EPB41L4A: variants seen among roughly 807,000 people sequenced by gnomAD.
The protein encoded by EPB41L4A is band 4.1-like protein 4A.
In EPB41L4A, 100 loss-of-function variants were observed where a neutral mutation model predicts 108.6. That is an observed-to-expected ratio of 0.92 (90% CI 0.78 to 1.09). The LOEUF (loss-of-function observed/expected upper bound fraction) is 1.09, where lower values mean the gene tolerates loss of function less well. EPB41L4A is among the 50% of genes least tolerant of loss of function. The pLI is 0.00. For synonymous variants in EPB41L4A, 319 were observed against 289.0 expected (o/e 1.10, Z -1.05); for missense variants, 1,030 against 842.7 (o/e 1.22, Z -2.75).
chr5:112,250,030 T>A (rs184032390), intron 9 of EPB41L4A, among the ~76,000 whole-genome samples: 40 of 152,310 alleles, frequency 2.6e-4, no homozygotes, highest in South Asian at 2.1e-3. Flanking sequence ...CACATTTTTT[T>A]AAAAAATTTT....
intron 12 of EPB41L4A, among the ~76,000 whole-genome samples, chr5:112,231,658 G>A (rs1192962947): frequency 6.6e-6 from 1 of 151,132 alleles, no homozygotes; most frequent in Non-Finnish European, 1.5e-5. Flanking sequence ...GGTGGCGGGC[G>A]CCTGTAGTCC....
At chr5:112,280,223 G>T in intron 3 of EPB41L4A, 49 bp downstream of exon 3, 1 of 1,521,192 alleles carries the variant, frequency 6.6e-7, no homozygotes, top group Non-Finnish European at 9.1e-7. Context: ...CATGGACTTT[G>T]TCATCGTTTT....
intron 1 of EPB41L4A, among the ~76,000 whole-genome samples, chr5:112,359,991 T>C (rs1055259866): frequency 6.6e-6 from 1 of 152,244 alleles, no homozygotes; most frequent in African/African-American, 2.4e-5. Flanking sequence ...TATGTGCTTT[T>C]TTCATTTTAA....
intron 2 of EPB41L4A, among the ~76,000 whole-genome samples, chr5:112,289,428 C>T (rs781574547): frequency 6.6e-6 from 1 of 152,050 alleles, no homozygotes; most frequent in Non-Finnish European, 1.5e-5. Context: ...GAGGTGCAAA[C>T]TTGAGGGAAT....
At chr5:112,191,714 G>A (rs1172866349) in intron 17 of EPB41L4A, among the ~76,000 whole-genome samples, 2 of 151,860 alleles carry the variant, frequency 1.3e-5, no homozygotes, top group Admixed American at 6.6e-5. Flanking sequence ...GAGTAGCAGA[G>A]GGAGCAACAT....
chr5:112,284,011 C>T (rs1450569336), intron 2 of EPB41L4A, among the ~76,000 whole-genome samples: 7 of 152,218 alleles, frequency 4.6e-5, no homozygotes, highest in Admixed American at 2.6e-4. Flanking sequence ...TCTATCAGCT[C>T]AACTGCTCTT....
chr5:112,407,550 A>G (rs1762141928), intron 1 of EPB41L4A, among the ~76,000 whole-genome samples: 1 of 152,218 alleles, frequency 6.6e-6, no homozygotes, highest in Admixed American at 6.5e-5. Context: ...ATATGTTTCA[A>G]GATAATAGAT....
intron 1 of EPB41L4A, among the ~76,000 whole-genome samples, chr5:112,314,870 T>G (rs1200430532): frequency 6.6e-6 from 1 of 152,156 alleles, no homozygotes; most frequent in Non-Finnish European, 1.5e-5. Context: ...AAGAAACCTC[T>G]GCCAAAATGG....
At position 112,147,768 on chromosome 5, in the gene EPB41L4A, T is replaced by C. The variant is rs1377447827; in HGVS notation, n.995-1770A>G. ...GACAAGGCCTTTCCAAATATAGGCC[T>C]ACCTGGCTTTTGATAAAAACAGGCC... On this transcript the variant is annotated intron_variant and non_coding_transcript_variant, in intron 12 of 13. Transcript: ENST00000507810. Among the ~76,000 whole-genome samples the C allele has an allele frequency of 3.3e-5, 5 of 151,712 alleles. No individual in the cohort carries two copies. In the East Asian group the frequency reaches 9.8e-4, roughly 30 times the overall value.
chr5:112,296,583 A>G (rs963127225), intron 2 of EPB41L4A, among the ~76,000 whole-genome samples: 1 of 152,182 alleles, frequency 6.6e-6, no homozygotes, highest in Non-Finnish European at 1.5e-5. Flanking sequence ...ATGCGCTTCC[A>G]ATAAATACTT....
chr5:112,281,081 G>A (rs1752934819), intron 2 of EPB41L4A, among the ~76,000 whole-genome samples: 1 of 152,174 alleles, frequency 6.6e-6, no homozygotes, highest in Non-Finnish European at 1.5e-5. Flanking sequence ...CTTAGGACAA[G>A]CAACTGGACA....
chr5:112,376,995 G>A (rs1450118985), intron 1 of EPB41L4A, among the ~76,000 whole-genome samples: 3 of 152,014 alleles, frequency 2.0e-5, no homozygotes, highest in Non-Finnish European at 4.4e-5. Context: ...CTTGAACCCA[G>A]GAGTTGAAGA....
chr5:112,176,513 C>T (rs933085773), intron 18 of EPB41L4A, among the ~76,000 whole-genome samples: 9 of 152,100 alleles, frequency 5.9e-5, no homozygotes, highest in African/African-American at 2.2e-4. Flanking sequence ...AAACACGATG[C>T]TACCCACTCA....
chr5:112,209,209 C>T (rs1464615097), intron 13 of EPB41L4A, among the ~76,000 whole-genome samples: 1 of 152,164 alleles, frequency 6.6e-6, no homozygotes, highest in Non-Finnish European at 1.5e-5. Context: ...GGGGGGCAAC[C>T]CCTATAGAGA....
intron 18 of EPB41L4A, chr5:112,173,679 T>C (rs1760717983): frequency 6.6e-6 from 1 of 150,846 alleles, no homozygotes. Flanking sequence ...AGTCTCGCTC[T>C]GTCACCCAGG....
intron 2 of EPB41L4A, among the ~76,000 whole-genome samples, chr5:112,291,154 T>C (rs1753612391): frequency 6.6e-6 from 1 of 152,194 alleles, no homozygotes; most frequent in South Asian, 2.1e-4. Flanking sequence ...CTCCTCATCT[T>C]GACATTTCCA....
At chr5:112,385,855 G>A (rs952240120) in intron 1 of EPB41L4A, among the ~76,000 whole-genome samples, 21 of 152,114 alleles carry the variant, frequency 1.4e-4, no homozygotes, top group Non-Finnish European at 2.6e-4. Context: ...TGTTCAAATC[G>A]GTAGGATGTT....
At chr5:112,418,910 AC>A in intron 1 of EPB41L4A, 30 bp downstream of exon 1, 2 of 1,573,830 alleles carry the variant, frequency 1.3e-6, no homozygotes, top group Non-Finnish European at 1.7e-6. Context: ...CCTGCCGCCA[AC>A]CCCCGGAACG....
chr5:112,296,606 T>A (rs1172188097), intron 2 of EPB41L4A, among the ~76,000 whole-genome samples: 1 of 152,174 alleles, frequency 6.6e-6, no homozygotes, highest in Non-Finnish European at 1.5e-5. Context: ...ATTTTATGTT[T>A]AATAATTTTT....
Sources: gnomAD v4.1 joint callset for allele counts (sites outside exome capture counted in the v4.1 genomes callset) on GRCh38, gnomAD v4.1.1 for gene constraint, MANE v1.5 for transcripts, NCBI Gene and HGNC (gene_info 2026-07-23, HGNC 2026-07-21) for gene names.